MANSC1: variants seen among roughly 807,000 people sequenced by gnomAD.
MANSC1 encodes MANSC domain-containing protein 1.
Under a neutral mutation model 14.1 loss-of-function variants are expected in MANSC1, and 13 were observed. The ratio of observed to expected loss-of-function variants is 0.92; its 90% CI spans 0.60 to 1.46. The LOEUF (loss-of-function observed/expected upper bound fraction) is 1.46, where lower values mean the gene tolerates loss of function less well. MANSC1 is among the 40% of genes most tolerant of loss of function. The probability of loss-of-function intolerance (pLI) is 0.00; values close to 1 mark genes in which losing one functional copy is unlikely to be tolerated. For synonymous variants in MANSC1, 227 were observed against 200.7 expected, an observed-to-expected ratio of 1.13 and a Z score of -1.11; for missense variants, 486 against 511.4, an observed-to-expected ratio of 0.95 and a Z score of 0.48.
chr12:12,326,677 A>G lies in MANSC1; in HGVS notation c.*3350T>C, dbSNP rs948902327. On this transcript the variant is annotated 3_prime_UTR_variant, in exon 4 of 4. Coordinates refer to ENST00000535902, the MANE Select transcript of MANSC1 (RefSeq NM_018050.4). ...CGTTCTGTCGCCCAGGCTGGAGTGC[A>G]GTGGCGTGATCATGGCTCACTGCAG... 2 of 149,536 alleles carry G rather than the reference A, an allele frequency of 1.3e-5. No individual in the cohort carries two copies. Among genetic ancestry groups the G allele is most frequent in the African/African-American group, 4.9e-5 (2 of 40,624 alleles). 9.3% of individuals were successfully genotyped at this position (149,536 alleles called of 1,614,324 possible).
In MANSC1 at chr12:12,337,231, C is replaced by G. The variant is rs138685502; in HGVS notation, c.364+1189G>C. On this transcript the variant is annotated intron_variant, in intron 3 of 3. Transcript: ENST00000535902. ...GGTGGTGGTTGCAGTGAGCTGAGAT[C>G]GCACCACTGCACTCCAGCCTGGGCG... is the stretch of plus-strand genomic sequence containing the variant. Among the ~76,000 whole-genome samples the G allele has an allele frequency of 7.6e-3, 1,150 of 151,892 alleles. 13 individuals are homozygous for G. Among genetic ancestry groups the G allele is most frequent in the African/African-American group, 0.026 (1,066 of 41,402 alleles).
chr12:12,346,684 A>C (rs1465273803), intron 1 of MANSC1, among the ~76,000 whole-genome samples: 2 of 152,208 alleles, frequency 1.3e-5, no homozygotes, highest in Admixed American at 1.3e-4. Context: ...TAAATAAATA[A>C]ATCTAGCCAC....
chr12:12,343,068 G>C (rs749373924), intron 2 of MANSC1, 24 bp downstream of exon 2: 1 of 1,542,044 alleles, frequency 6.5e-7, no homozygotes, highest in Non-Finnish European at 9.0e-7. Context: ...TGGAACAAAG[G>C]ATTGCCAAGA....
chr12:12,335,715 G>A (rs1202671346), intron 3 of MANSC1, among the ~76,000 whole-genome samples: 1 of 151,606 alleles, frequency 6.6e-6, no homozygotes, highest in Non-Finnish European at 1.5e-5. Context: ...GGTGATGCTT[G>A]CCTGTAGTCC....
Position 12,343,235 on chromosome 12 carries a change from T to C in MANSC1, c.80A>G (p.Gln27Arg). 1 of 1,614,168 alleles carries C rather than the reference T, an allele frequency of 6.2e-7. No individual in the cohort carries two copies. Reference sequence around the variant, plus strand: ...TTCTAGACTCTTTTTGAGGCAATTCTGACTAGCAGACAGCCTTAGTGTCAG... The same window carrying C: ...TTCTAGACTCTTTTTGAGGCAATTCCGACTAGCAGACAGCCTTAGTGTCAG... ...CFLTLRLSAS[Q>R]NCLKKSLEDV... The change falls in exon 2 of 4, where the codon CAG becomes CGG. Residue 27 changes from glutamine (Q) to arginine (R), a missense_variant. Coordinates refer to ENST00000535902, the MANE Select transcript of MANSC1 (RefSeq NM_018050.4).
At chr12:12,331,865 G>A (rs1384532939) in intron 3 of MANSC1, among the ~76,000 whole-genome samples, 1 of 152,098 alleles carries the variant, frequency 6.6e-6, no homozygotes, top group East Asian at 1.9e-4. Flanking sequence ...ATTTCATTTG[G>A]ACTCTCAAAG....
chr12:12,349,624 G>A (rs1340866931), intron 1 of MANSC1, among the ~76,000 whole-genome samples: 1 of 152,106 alleles, frequency 6.6e-6, no homozygotes, highest in East Asian at 1.9e-4. Context: ...TTACTCGCAC[G>A]TAATTAGTTC....
chr12:12,330,748 CT>C lies in MANSC1; in HGVS notation c.574del (p.Ser192ValfsTer24). On this transcript the variant is annotated frameshift_variant, in exon 4 of 4. Transcript: ENST00000535902. LOFTEE classifies it low-confidence loss of function (END_TRUNC). The part of the protein sequence containing the change: ...LEKLFKMDEA[S>X]AQLLAYKEKG... ...TTCCTTATAAGCAAGGAGCTGGGCA[CT>C]TGCTTCATCCATCTTAAATAGTTTC... The C allele has an allele frequency of 6.2e-7, 1 of 1,614,170 alleles. No homozygotes were observed. The highest frequency in any genetic ancestry group is 1.6e-4 in the Middle Eastern group (1 of 6,062).
At chr12:12,344,916 C>CATATATATATATATAT (rs536743365) in intron 1 of MANSC1, among the ~76,000 whole-genome samples, 3 of 33,558 alleles carry the variant, frequency 8.9e-5, no homozygotes, top group African/African-American at 2.1e-4. Flanking sequence ...AATAAACTCC[C>CATATATATATATATAT]ATATATATAT....
At chr12:12,339,525 C>T (rs571457705) in intron 2 of MANSC1, among the ~76,000 whole-genome samples, 1 of 152,218 alleles carries the variant, frequency 6.6e-6, no homozygotes, top group South Asian at 2.1e-4. Context: ...TAGTTGGCCT[C>T]TGAAAGTGCT....
intron 3 of MANSC1, among the ~76,000 whole-genome samples, chr12:12,334,236 G>C (rs922181400): frequency 1.5e-4 from 22 of 151,058 alleles, no homozygotes; most frequent in African/African-American, 5.4e-4. Flanking sequence ...CCATGATCGC[G>C]CCACTGCACT....
At position 12,339,531 on chromosome 12, in the gene MANSC1, G is replaced by C. The variant is rs148383244; in HGVS notation, c.224-971C>G. On this transcript the variant is annotated intron_variant, in intron 2 of 3. Coordinates refer to ENST00000535902, the MANE Select transcript of MANSC1 (RefSeq NM_018050.4). Reference sequence around the variant, plus strand: ...TGTTTGCCCTAGTTGGCCTCTGAAAGTGCTGGGATTACAGGTGTAAGCCAC... The same window carrying C: ...TGTTTGCCCTAGTTGGCCTCTGAAACTGCTGGGATTACAGGTGTAAGCCAC... 4.8e-3 allele frequency among the ~76,000 whole-genome samples: 734 copies of C among 152,132 alleles called. 9 individuals are homozygous for C. Among genetic ancestry groups the C allele is most frequent in the African/African-American group, 0.016 (678 of 41,490 alleles).
chr12:12,339,052 C>A (rs941221787), intron 2 of MANSC1: 8 of 167,676 alleles, frequency 4.8e-5, no homozygotes, highest in African/African-American at 1.7e-4. Flanking sequence ...TACTGATGTG[C>A]TATGAAGATA....
intron 2 of MANSC1, among the ~76,000 whole-genome samples, chr12:12,341,936 G>A (rs1862938935): frequency 6.6e-6 from 1 of 152,156 alleles, no homozygotes; most frequent in Non-Finnish European, 1.5e-5. Flanking sequence ...AGAATGCAGT[G>A]AGCCAAGATT....
At chr12:12,334,347 A>G (rs1326544715) in intron 3 of MANSC1, among the ~76,000 whole-genome samples, 2 of 152,180 alleles carry the variant, frequency 1.3e-5, no homozygotes, top group African/African-American at 4.8e-5. Context: ...TTCCAGAAAC[A>G]AACCACCAAA....
chr12:12,337,712 A>C (rs1194064535), intron 3 of MANSC1, among the ~76,000 whole-genome samples: 1 of 152,254 alleles, frequency 6.6e-6, no homozygotes, highest in Non-Finnish European at 1.5e-5. Flanking sequence ...ATCTCAAAAA[A>C]AAGAAAAATT....
At chr12:12,333,504 G>T (rs1862819341) in intron 3 of MANSC1, among the ~76,000 whole-genome samples, 1 of 152,134 alleles carries the variant, frequency 6.6e-6, no homozygotes, top group Non-Finnish European at 1.5e-5. Context: ...CAAAGCTAGG[G>T]CCAGTCCCAC....
intron 3 of MANSC1, among the ~76,000 whole-genome samples, chr12:12,335,980 C>T (rs914806791): frequency 2.6e-5 from 4 of 151,328 alleles, no homozygotes; most frequent in Admixed American, 6.6e-5. Flanking sequence ...ATCAGGAGTT[C>T]GAGACCAGCC....
chr12:12,338,917 A>ACACACACACACACACAC, intron 2 of MANSC1: 1 of 241,418 alleles, frequency 4.1e-6, no homozygotes, highest in South Asian at 5.3e-5. Flanking sequence ...ACACACACAC[A>ACACACACACACACACAC]CCCCTAAGAC....
Sources: gnomAD v4.1 joint callset for allele counts (sites outside exome capture counted in the v4.1 genomes callset) on GRCh38, gnomAD v4.1.1 for gene constraint, MANE v1.5 for transcripts, NCBI Gene and HGNC (gene_info 2026-07-23, HGNC 2026-07-21) for gene names.